The following CREG2 variants were observed in gnomAD, a reference collection of about 807,000 sequenced individuals.
CREG2 encodes the protein protein CREG2.
Under a neutral mutation model 26.2 loss-of-function variants are expected in CREG2, and 24 were observed. That is an observed-to-expected ratio of 0.92 (90% CI 0.66 to 1.29). The LOEUF is 1.29. CREG2 is among the 50% of genes most tolerant of loss of function. The pLI, the probability that CREG2 is intolerant of heterozygous loss-of-function variation, is 0.00. For synonymous variants in CREG2, 174 were observed against 169.2 expected, an observed-to-expected ratio of 1.03 and a Z score of -0.22; for missense variants, 366 against 398.6, an observed-to-expected ratio of 0.92 and a Z score of 0.70.
chr2:101,374,626 G>T (rs143951424), intron 2 of CREG2, among the ~76,000 whole-genome samples: 7 of 152,206 alleles, frequency 4.6e-5, no homozygotes. Flanking sequence ...ACAGAGATAC[G>T]TCTTGGCTCT....
At chr2:101,362,986 A>C (rs1364490796) in intron 2 of CREG2, among the ~76,000 whole-genome samples, 1 of 152,176 alleles carries the variant, frequency 6.6e-6, no homozygotes, top group Non-Finnish European at 1.5e-5. Context: ...GTGCTCACTC[A>C]TCGAGGCTGG....
chr2:101,359,876 C>T (rs944627873), intron 2 of CREG2, among the ~76,000 whole-genome samples: 11 of 152,180 alleles, frequency 7.2e-5, no homozygotes, highest in Admixed American at 3.9e-4. Context: ...AATGACTGCC[C>T]GTAGAGACCA....
chr2:101,363,265 C>T (rs192242503), intron 2 of CREG2, among the ~76,000 whole-genome samples: 1 of 152,136 alleles, frequency 6.6e-6, no homozygotes, highest in Non-Finnish European at 1.5e-5. Context: ...TTGTATGCAG[C>T]GGAGTGGATT....
chr2:101,369,558 A>T (rs1429592654), intron 2 of CREG2, among the ~76,000 whole-genome samples: 1 of 152,206 alleles, frequency 6.6e-6, no homozygotes, highest in Non-Finnish European at 1.5e-5. Flanking sequence ...AGAGGTGTAG[A>T]CAGAGAAGAC....
chr2:101,383,526 C>T lies in CREG2; in HGVS notation c.611+7G>A, dbSNP rs765876627. ...ACCCGTGTGAGTGAGGGCAAACCGTCGTCTACCTGCAGAACTCCCCTTCTG... is the reference window on the plus strand; with the variant it reads ...ACCCGTGTGAGTGAGGGCAAACCGTTGTCTACCTGCAGAACTCCCCTTCTG... On this transcript the variant is annotated splice_region_variant and intron_variant, in intron 2 of 3. Coordinates refer to ENST00000324768, the MANE Select transcript of CREG2 (RefSeq NM_153836.4). 15 of 1,613,288 alleles carry T rather than the reference C, an allele frequency of 9.3e-6. No homozygotes were observed. The East Asian group carries it at 1.1e-4, about 12-fold the overall frequency.
Position 101,346,745 on chromosome 2 carries a change from C to T in CREG2, c.*4178G>A, listed in dbSNP as rs775263951. 5 of 152,108 alleles carry T rather than the reference C, an allele frequency of 3.3e-5. No homozygotes were observed. Among genetic ancestry groups the T allele is most frequent in the African/African-American group, 4.8e-5 (2 of 41,406 alleles). The allele number at this position is 152,108 out of a possible 1,614,324, so 9.4% of individuals were successfully genotyped here. A position where few individuals can be genotyped will look rare whatever the true frequency, so the allele number is the denominator to read the frequency against. On this transcript the variant is annotated 3_prime_UTR_variant, in exon 4 of 4. Coordinates refer to ENST00000324768, the MANE Select transcript of CREG2 (RefSeq NM_153836.4). ...TCTTGTTTATGTTAAGCTTTTTACT[C>T]AGAGATAATTGTAGATTCTGAGATA...
At chr2:101,354,847 C>T (rs886892725) in intron 3 of CREG2, among the ~76,000 whole-genome samples, 73 of 152,080 alleles carry the variant, frequency 4.8e-4, no homozygotes, top group African/African-American at 1.5e-3. Flanking sequence ...AAAGCTGCGT[C>T]TAAGTCAGCA....
chr2:101,362,614 C>T (rs1356917159), intron 2 of CREG2, among the ~76,000 whole-genome samples: 6 of 152,198 alleles, frequency 3.9e-5, no homozygotes, highest in African/African-American at 1.4e-4. Flanking sequence ...TTTGGGCTCT[C>T]TACCTCCTGC....
intron 2 of CREG2, among the ~76,000 whole-genome samples, chr2:101,358,752 G>GCAAGTTT (rs1573304044): frequency 9.2e-6 from 1 of 108,422 alleles, no homozygotes; most frequent in Non-Finnish European, 2.2e-5. Context: ...GAGAACTGAG[G>GCAAGTTT]TGGCCGGGCG....
chr2:101,352,546 G>T (rs1384012699), intron 3 of CREG2, among the ~76,000 whole-genome samples: 1 of 152,144 alleles, frequency 6.6e-6, no homozygotes, highest in Admixed American at 6.5e-5. Context: ...AGTGGTTCAC[G>T]CCTGTCATCC....
In CREG2 at chr2:101,348,077, T is replaced by C. The variant is rs537320257; in HGVS notation, c.*2846A>G. 6.6e-6 allele frequency: 1 copy of C among 152,314 alleles called. No homozygotes were observed. The highest frequency in any genetic ancestry group is 2.1e-4 in the South Asian group (1 of 4,828). 9.4% of individuals were successfully genotyped at this position (152,314 alleles called of 1,614,324 possible). Reference sequence around the variant, plus strand: ...AAAAGGCTATCCTCTGTTGAATTAGTTTTGTACTTTTGTAAAAGAAAATCA... The same window carrying C: ...AAAAGGCTATCCTCTGTTGAATTAGCTTTGTACTTTTGTAAAAGAAAATCA... On this transcript the variant is annotated 3_prime_UTR_variant, in exon 4 of 4. Transcript: ENST00000324768.
rs1050804031 is a variant in CREG2 at position 101,382,515 on chromosome 2, G to C, written c.611+1018C>G. ...CAGTAAGCTTGACTGACCAAGAACA[G>C]GGAGAATATTCCATGAGAAAGGAAA... On this transcript the variant is annotated intron_variant, in intron 2 of 3. Transcript: ENST00000324768. The C allele has an allele frequency of 4.4e-5, 43 of 985,180 alleles. No homozygotes were observed. In the East Asian group the frequency reaches 1.2e-3, roughly 29 times the overall value. The allele number at this position is 985,180 out of a possible 1,614,324, so 61.0% of individuals were successfully genotyped here.
intron 2 of CREG2, among the ~76,000 whole-genome samples, chr2:101,368,550 G>T (rs1363287652): frequency 2.0e-5 from 3 of 152,202 alleles, no homozygotes; most frequent in Admixed American, 6.5e-5. Context: ...AGGAGACACA[G>T]ACACCAGACG....
rs146876745 is a variant in CREG2 at position 101,356,438 on chromosome 2, T to A, written c.612-1072A>T. On this transcript the variant is annotated intron_variant, in intron 2 of 3. Coordinates refer to ENST00000324768, the MANE Select transcript of CREG2 (RefSeq NM_153836.4). ...TTATTCAGAGGGAACAATGTTTCAG[T>A]TCTGTTGTGAATATGTTCTAGAGAT... 6.6e-3 allele frequency among the ~76,000 whole-genome samples: 1,012 copies of A among 152,366 alleles called. 3 individuals carry two copies. The highest frequency in any genetic ancestry group is 0.011 in the Non-Finnish European group (747 of 68,038).
At chr2:101,368,091 A>G (rs1282689294) in intron 2 of CREG2, among the ~76,000 whole-genome samples, 1 of 152,182 alleles carries the variant, frequency 6.6e-6, no homozygotes. Context: ...GTTCGAGACC[A>G]GCCTGGCCAA....
intron 2 of CREG2, among the ~76,000 whole-genome samples, chr2:101,362,474 A>G (rs1237682180): frequency 6.6e-6 from 1 of 152,154 alleles, no homozygotes; most frequent in East Asian, 1.9e-4. Flanking sequence ...CAGGGCTTCA[A>G]GTTTCTGGAG....
intron 2 of CREG2, among the ~76,000 whole-genome samples, chr2:101,367,200 T>C (rs4352251): frequency 0.85 from 128,807 of 152,084 alleles, 55,214 homozygotes; most frequent in East Asian, 1. Flanking sequence ...ACACAACAGA[T>C]GGCACCAGAA....
At chr2:101,357,460 G>C (rs1017137053) in intron 2 of CREG2, among the ~76,000 whole-genome samples, 5 of 152,194 alleles carry the variant, frequency 3.3e-5, no homozygotes, top group Admixed American at 2.6e-4. Context: ...ACAAGAGAAA[G>C]CTCTTCTTGG....
chr2:101,355,413 T>G, intron 2 of CREG2, 47 bp from the exon 3 acceptor site: 4 of 1,213,802 alleles, frequency 3.3e-6, no homozygotes, highest in Non-Finnish European at 4.9e-6. Context: ...GGACAGAACA[T>G]CAGCCAGCAA....
Sources: gnomAD v4.1 joint callset for allele counts (sites outside exome capture counted in the v4.1 genomes callset) on GRCh38, gnomAD v4.1.1 for gene constraint, MANE v1.5 for transcripts, NCBI Gene and HGNC (gene_info 2026-07-23, HGNC 2026-07-21) for gene names.